PDGFC: variants seen among roughly 807,000 people sequenced by gnomAD.
PDGFC encodes the protein platelet derived growth factor C.
Under a neutral mutation model 35.5 loss-of-function variants are expected in PDGFC, and 12 were observed. That is an observed-to-expected ratio of 0.34 (90% CI 0.22 to 0.55). The LOEUF (loss-of-function observed/expected upper bound fraction) is 0.55, where lower values mean the gene tolerates loss of function less well. Ranked by LOEUF, PDGFC falls within the 20% of genes least tolerant of loss-of-function variation. The pLI, the probability that PDGFC is intolerant of heterozygous loss-of-function variation, is 0.91. For synonymous variants in PDGFC, 159 were observed against 148.8 expected (o/e 1.07, Z -0.50); for missense variants, 322 against 412.4 (o/e 0.78, Z 1.90).
chr4:156,829,506 TTC>T (rs754794318), intron 2 of PDGFC, among the ~76,000 whole-genome samples: 21 of 152,160 alleles, frequency 1.4e-4, no homozygotes, highest in Non-Finnish European at 2.5e-4. Flanking sequence ...TTATTTTACT[TTC>T]TTTTTCTCAC....
At chr4:156,969,709 A>C (rs1732548515) in intron 1 of PDGFC, among the ~76,000 whole-genome samples, 1 of 152,202 alleles carries the variant, frequency 6.6e-6, no homozygotes, top group South Asian at 2.1e-4. Context: ...TTGCATGGTT[A>C]ATCAAGTGAC....
At chr4:156,767,678 G>T in intron 5 of PDGFC, 95 bp downstream of exon 5, 1 of 757,230 alleles carries the variant, frequency 1.3e-6, no homozygotes, top group Non-Finnish European at 2.2e-6. Flanking sequence ...TGAATACTAC[G>T]TCTTTTTTCC....
chr4:156,780,106 G>GT (rs1730936286), intron 3 of PDGFC, among the ~76,000 whole-genome samples: 3 of 117,394 alleles, frequency 2.6e-5, no homozygotes, highest in Non-Finnish European at 5.2e-5. Flanking sequence ...CCAAAATTAA[G>GT]GTTTTTTTTT....
chr4:156,873,649 A>C (rs1336727349), intron 1 of PDGFC, among the ~76,000 whole-genome samples: 5 of 152,186 alleles, frequency 3.3e-5, no homozygotes, highest in African/African-American at 4.8e-5. Flanking sequence ...TGGTTTGGTA[A>C]AAGTTGTGAC....
intron 1 of PDGFC, among the ~76,000 whole-genome samples, chr4:156,903,787 T>C (rs1470348693): frequency 2.0e-5 from 3 of 152,126 alleles, no homozygotes; most frequent in Non-Finnish European, 2.9e-5. Flanking sequence ...CTGTAGAATC[T>C]CTTGATTAAT....
intron 2 of PDGFC, among the ~76,000 whole-genome samples, chr4:156,849,554 G>T (rs868534172): frequency 1.5e-4 from 23 of 152,114 alleles, no homozygotes; most frequent in Middle Eastern, 3.4e-3. Context: ...ATTCATATGG[G>T]ATTTACAGAG....
At chr4:156,787,482 G>C (rs887834974) in intron 3 of PDGFC, among the ~76,000 whole-genome samples, 3 of 152,204 alleles carry the variant, frequency 2.0e-5, no homozygotes, top group Non-Finnish European at 4.4e-5. Flanking sequence ...AAAGAGGGCA[G>C]TGAATGCAAC....
At chr4:156,779,032 G>T in intron 3 of PDGFC, 1 of 406,186 alleles carries the variant, frequency 2.5e-6, no homozygotes, top group South Asian at 1.8e-5. Context: ...CTTCTTAAAG[G>T]TGTCTCCAAT....
intron 1 of PDGFC, among the ~76,000 whole-genome samples, chr4:156,947,451 A>T (rs1403428618): frequency 6.6e-6 from 1 of 152,058 alleles, no homozygotes; most frequent in Non-Finnish European, 1.5e-5. Context: ...ACATGGAATT[A>T]AACTAAGTAA....
At chr4:156,811,427 A>G (rs1024692847) in intron 2 of PDGFC, among the ~76,000 whole-genome samples, 2 of 152,026 alleles carry the variant, frequency 1.3e-5, no homozygotes, top group Non-Finnish European at 2.9e-5. Flanking sequence ...CATCCTGGCC[A>G]GGGGCCTTGG....
intron 1 of PDGFC, among the ~76,000 whole-genome samples, chr4:156,922,683 A>G (rs1485210084): frequency 2.6e-5 from 4 of 152,164 alleles, no homozygotes; most frequent in African/African-American, 9.7e-5. Context: ...TAGAGGCAAT[A>G]TTTACAGAAG....
In PDGFC at chr4:156,772,755, AGTC is replaced by A; in HGVS notation, c.631_633del (p.Asp211del). 6.2e-7 allele frequency: 1 copy of A among 1,613,646 alleles called. No individual in the cohort carries two copies. The highest frequency in any genetic ancestry group is 8.5e-7 in the Non-Finnish European group (1 of 1,179,648). On this transcript the variant is annotated inframe_deletion, in exon 4 of 6. Transcript: ENST00000502773. ...CAAGTTGGCCTATATAGATCTTCTAAGTCCAACTGCCATCTCTCTGGTTCAAGA... is the reference window on the plus strand; with the variant it reads ...CAAGTTGGCCTATATAGATCTTCTAACAACTGCCATCTCTCTGGTTCAAGA...
chr4:156,792,948 T>G (rs1347456455), intron 3 of PDGFC, among the ~76,000 whole-genome samples: 2 of 152,238 alleles, frequency 1.3e-5, no homozygotes, highest in Non-Finnish European at 2.9e-5. Context: ...ACAGATGGAC[T>G]CTGGAGTGTT....
At chr4:156,785,303 G>A (rs1003655892) in intron 3 of PDGFC, among the ~76,000 whole-genome samples, 3 of 152,172 alleles carry the variant, frequency 2.0e-5, no homozygotes, top group Admixed American at 2.0e-4. Flanking sequence ...CAGGGTTCAA[G>A]GGATTCTTCT....
chr4:156,929,947 T>G (rs1731512862), intron 1 of PDGFC, among the ~76,000 whole-genome samples: 1 of 152,168 alleles, frequency 6.6e-6, no homozygotes, highest in Non-Finnish European at 1.5e-5. Flanking sequence ...AAAAAAAATC[T>G]TTGGGTCACA....
intron 2 of PDGFC, among the ~76,000 whole-genome samples, chr4:156,837,146 A>G (rs554851089): frequency 6.6e-6 from 1 of 152,244 alleles, no homozygotes; most frequent in African/African-American, 2.4e-5. Flanking sequence ...TGAGGTTGAG[A>G]CAAGAAAGGC....
chr4:156,797,435 C>T (rs946715771), intron 3 of PDGFC, among the ~76,000 whole-genome samples: 24 of 151,976 alleles, frequency 1.6e-4, no homozygotes, highest in African/African-American at 4.1e-4. Context: ...GAAAGTGATA[C>T]GCAAAAAACA....
intron 3 of PDGFC, among the ~76,000 whole-genome samples, chr4:156,794,999 T>C (rs1731404567): frequency 6.6e-6 from 1 of 152,206 alleles, no homozygotes; most frequent in Non-Finnish European, 1.5e-5. Context: ...ACTTCTCCTA[T>C]GCATGTGAAG....
At chr4:156,846,821 G>T (rs1227176858) in intron 2 of PDGFC, among the ~76,000 whole-genome samples, 1 of 151,480 alleles carries the variant, frequency 6.6e-6, no homozygotes, top group Non-Finnish European at 1.5e-5. Flanking sequence ...ATGCCTCTTA[G>T]CAAAATAAAA....
Sources: gnomAD v4.1 joint callset for allele counts (sites outside exome capture counted in the v4.1 genomes callset) on GRCh38, gnomAD v4.1.1 for gene constraint, MANE v1.5 for transcripts, NCBI Gene and HGNC (gene_info 2026-07-23, HGNC 2026-07-21) for gene names.